Variants in ASCC3 observed in about 807,000 individuals in gnomAD.
The protein encoded by ASCC3 is activating signal cointegrator 1 complex subunit 3.
ASCC3 carries 158 observed loss-of-function variants against 256.3 expected under a neutral mutation model. The ratio of observed to expected loss-of-function variants is 0.62; its 90% CI spans 0.54 to 0.70. The LOEUF is 0.70. ASCC3 is among the 30% of genes least tolerant of loss of function. The pLI, the probability that ASCC3 is intolerant of heterozygous loss-of-function variation, is 0.00. For synonymous variants in ASCC3, 948 were observed against 883.4 expected, an observed-to-expected ratio of 1.07 and a Z score of -1.30; for missense variants, 2,259 against 2,626.0, an observed-to-expected ratio of 0.86 and a Z score of 3.05.
chr6:100,689,405 C>G (rs189974225), intron 13 of ASCC3, among the ~76,000 whole-genome samples: 23 of 152,268 alleles, frequency 1.5e-4, no homozygotes, highest in Admixed American at 3.3e-4. Context: ...GCCACTCATT[C>G]AGAAGAATAG....
chr6:100,760,039 T>C (rs944413418), intron 10 of ASCC3, among the ~76,000 whole-genome samples: 6 of 152,150 alleles, frequency 3.9e-5, no homozygotes, highest in African/African-American at 1.4e-4. Flanking sequence ...CTTATTAGTT[T>C]AAGGAGTTTT....
At chr6:100,801,126 C>T (rs1436114279) in intron 5 of ASCC3, among the ~76,000 whole-genome samples, 1 of 152,006 alleles carries the variant, frequency 6.6e-6, no homozygotes. Flanking sequence ...TCAATGTTTA[C>T]TAAGTACACT....
intron 6 of ASCC3, 44 bp downstream of exon 6, chr6:100,800,256 A>G (rs1264369747): frequency 6.3e-7 from 1 of 1,579,116 alleles, no homozygotes; most frequent in Middle Eastern, 1.7e-4. Context: ...ATGTAAAAGC[A>G]GCAATTACAA....
chr6:100,745,869 A>G (rs768900960), intron 10 of ASCC3, among the ~76,000 whole-genome samples: 3 of 152,150 alleles, frequency 2.0e-5, no homozygotes, highest in Admixed American at 6.5e-5. Flanking sequence ...TTTTCTATCA[A>G]TCAGTAACCT....
chr6:100,552,826 AAGAT>A (rs764202344), intron 36 of ASCC3, among the ~76,000 whole-genome samples: 4 of 151,934 alleles, frequency 2.6e-5, no homozygotes, highest in African/African-American at 4.8e-5. Flanking sequence ...CCACAAGAAA[AAGAT>A]AGAAAATATT....
chr6:100,644,544 C>A (rs1030141551), intron 22 of ASCC3, among the ~76,000 whole-genome samples: 1 of 151,996 alleles, frequency 6.6e-6, no homozygotes, highest in Non-Finnish European at 1.5e-5. Context: ...TAATAATATC[C>A]CATTGGATAG....
intron 13 of ASCC3, among the ~76,000 whole-genome samples, chr6:100,709,143 G>A (rs1422079997): frequency 6.6e-6 from 1 of 152,054 alleles, no homozygotes; most frequent in African/African-American, 2.4e-5. Context: ...ACAACAAAAT[G>A]TTTTAATTCA....
intron 8 of ASCC3, among the ~76,000 whole-genome samples, chr6:100,777,252 T>TA (rs1782236463): frequency 6.6e-6 from 1 of 152,158 alleles, no homozygotes; most frequent in Non-Finnish European, 1.5e-5. Context: ...TGTGAGTGTA[T>TA]AAAACTATTT....
At chr6:100,553,144 C>T (rs1057264347) in intron 36 of ASCC3, among the ~76,000 whole-genome samples, 18 of 151,970 alleles carry the variant, frequency 1.2e-4, no homozygotes, top group Admixed American at 4.6e-4. Flanking sequence ...AGAATACTTA[C>T]GGAGGAGGTT....
intron 4 of ASCC3, among the ~76,000 whole-genome samples, chr6:100,839,096 C>G (rs887857052): frequency 6.6e-6 from 1 of 152,056 alleles, no homozygotes; most frequent in Admixed American, 6.6e-5. Context: ...ATGTAACTCT[C>G]CATACATCTA....
At chr6:100,705,482 T>C (rs1239620074) in intron 13 of ASCC3, among the ~76,000 whole-genome samples, 1 of 152,046 alleles carries the variant, frequency 6.6e-6, no homozygotes, top group Non-Finnish European at 1.5e-5. Flanking sequence ...CATAGTTCTT[T>C]TGTTTTCGAA....
chr6:100,781,654 C>A (rs1345126013), intron 8 of ASCC3, among the ~76,000 whole-genome samples: 1 of 151,372 alleles, frequency 6.6e-6, no homozygotes, highest in Non-Finnish European at 1.5e-5. Flanking sequence ...TCCCAAAGGG[C>A]TGGGATTACA....
intron 36 of ASCC3, among the ~76,000 whole-genome samples, chr6:100,580,100 A>T (rs1473631715): frequency 6.6e-6 from 1 of 151,956 alleles, no homozygotes; most frequent in African/African-American, 2.4e-5. Flanking sequence ...TGTGAATGGG[A>T]TTGCATTCTT....
intron 5 of ASCC3, among the ~76,000 whole-genome samples, chr6:100,802,529 T>C (rs1247098238): frequency 6.6e-6 from 1 of 152,152 alleles, no homozygotes; most frequent in Admixed American, 6.6e-5. Context: ...GGTATTTCTT[T>C]ATAGCAATGT....
intron 5 of ASCC3, among the ~76,000 whole-genome samples, chr6:100,805,277 G>A (rs990351869): frequency 9.2e-5 from 14 of 152,110 alleles, no homozygotes; most frequent in African/African-American, 2.6e-4. Context: ...CAAATACCTC[G>A]TGTTCTCACT....
At chr6:100,562,997 T>G (rs780793540) in intron 36 of ASCC3, among the ~76,000 whole-genome samples, 11 of 152,030 alleles carry the variant, frequency 7.2e-5, no homozygotes, top group Admixed American at 1.3e-4. Context: ...GTGAGAAGGC[T>G]GAGTATTTTC....
At chr6:100,655,866 A>T in intron 16 of ASCC3, 48 bp from the exon 17 acceptor site, 1 of 1,596,712 alleles carries the variant, frequency 6.3e-7, no homozygotes, top group African/African-American at 1.3e-5. Context: ...AGTTGAACAT[A>T]AACATTACAT....
At chr6:100,628,085 C>G (rs1243365628) in intron 27 of ASCC3, 98 bp from the exon 28 acceptor site, 1 of 1,001,336 alleles carries the variant, frequency 1.0e-6, no homozygotes, top group Non-Finnish European at 1.4e-6. Context: ...CCTCAAAAAA[C>G]AAAAACAAAA....
chr6:100,735,327 A>G (rs956108227), intron 10 of ASCC3, among the ~76,000 whole-genome samples: 2 of 152,198 alleles, frequency 1.3e-5, no homozygotes, highest in Non-Finnish European at 2.9e-5. Flanking sequence ...CAAGGTTGAG[A>G]GCTGAAGTTA....
Sources: allele counts gnomAD v4.1 joint callset (sites outside exome capture counted in the v4.1 genomes callset), GRCh38; gene constraint gnomAD v4.1.1; transcripts MANE v1.5; gene names NCBI Gene and HGNC (gene_info 2026-07-23, HGNC 2026-07-21).